The following FZD3 variants were observed in gnomAD, a reference collection of about 807,000 sequenced individuals.
FZD3 encodes the protein frizzled-3.
FZD3 carries 30 observed loss-of-function variants against 60.7 expected under a neutral mutation model. The observed-to-expected ratio is 0.49, with a 90% CI of 0.37 to 0.67. FZD3 has a LOEUF of 0.67. Among genes scored for constraint, FZD3 ranks in the 30% least tolerant of loss-of-function variants. FZD3 has a pLI of 0.00. For missense variants in FZD3, 605 were observed against 838.7 expected (o/e 0.72, Z 3.44); for synonymous variants, 246 against 275.2 (o/e 0.89, Z 1.05).
chr8:28,550,479 A>ATTTTTTTTTTTTTTTTTT (rs1805385873), intron 5 of FZD3, among the ~76,000 whole-genome samples: 1 of 59,144 alleles, frequency 1.7e-5, no homozygotes, highest in Non-Finnish European at 3.2e-5. Flanking sequence ...TTCTTCTTTT[A>ATTTTTTTTTTTTTTTTTT]TCTTTTTTTT....
chr8:28,523,234 G>A (rs1414715079), intron 4 of FZD3, among the ~76,000 whole-genome samples: 1 of 152,130 alleles, frequency 6.6e-6, no homozygotes, highest in Non-Finnish European at 1.5e-5. Flanking sequence ...GGGCGCTGGA[G>A]AGTCTAAGAT....
chr8:28,553,945 G>A (rs1182534806), intron 6 of FZD3, among the ~76,000 whole-genome samples: 1 of 152,180 alleles, frequency 6.6e-6, no homozygotes, highest in Non-Finnish European at 1.5e-5. Context: ...TTACAGATAA[G>A]GAAACTGAGG....
At position 28,527,779 on chromosome 8, in the gene FZD3, G is replaced by A; in HGVS notation, c.1019G>A (p.Gly340Glu). The change falls in exon 5 of 8, where the codon GGA becomes GAA. Residue 340 changes from glycine to glutamate, a missense_variant. Coordinates refer to ENST00000240093, the MANE Select transcript of FZD3 (RefSeq NM_017412.4). The surrounding 1 kb of genome is among the most constrained non-coding windows in gnomAD (Gnocchi z 5.0). ...LFHASAWGIPGTLTIILLAMN... is the reference protein window; with the variant it reads ...LFHASAWGIPETLTIILLAMN... ...CACGCCAGTGCATGGGGCATCCCCGGAACTCTAACCATCATCCTTTTAGCG... is the reference window on the plus strand; with the variant it reads ...CACGCCAGTGCATGGGGCATCCCCGAAACTCTAACCATCATCCTTTTAGCG... 6.2e-7 allele frequency: 1 copy of A among 1,614,182 alleles called. No individual in the cohort carries two copies. Among genetic ancestry groups the A allele is most frequent in the South Asian group, 1.1e-5 (1 of 91,084 alleles).
At chr8:28,510,935 GC>G (rs1447584171) in intron 3 of FZD3, among the ~76,000 whole-genome samples, 1 of 152,026 alleles carries the variant, frequency 6.6e-6, no homozygotes, top group Non-Finnish European at 1.5e-5. Flanking sequence ...TACTCGGGAG[GC>G]TAAGACAGGA....
chr8:28,565,738 A>G lies in FZD3; in HGVS notation c.*2727A>G, dbSNP rs1487875896. On this transcript the variant is annotated 3_prime_UTR_variant, in exon 8 of 8. Transcript: ENST00000240093. ...TAATTTTGTCCCACAAAATTTATGT[A>G]ATATTAATCCATGGTTTTAAACAAC... 1 of 152,166 alleles carries G rather than the reference A, an allele frequency of 6.6e-6. No homozygotes were observed. The highest frequency in any genetic ancestry group is 1.5e-5 in the Non-Finnish European group (1 of 67,986). The allele number at this position is 152,166 out of a possible 1,614,324, so 9.4% of individuals were successfully genotyped here. A position where few individuals can be genotyped will look rare whatever the true frequency, so the allele number is the denominator to read the frequency against.
intron 1 of FZD3, among the ~76,000 whole-genome samples, chr8:28,495,159 T>G (rs1235638078): frequency 6.6e-6 from 1 of 152,208 alleles, no homozygotes; most frequent in African/African-American, 2.4e-5. Flanking sequence ...TTGAGTTCGA[T>G]CCCTCTGTTG....
intron 5 of FZD3, among the ~76,000 whole-genome samples, chr8:28,548,375 G>C (rs545100950): frequency 1.3e-5 from 2 of 151,454 alleles, no homozygotes; most frequent in African/African-American, 2.4e-5. Flanking sequence ...GCAGTGGCGC[G>C]ATGCAGCCTC....
At chr8:28,546,481 A>G (rs147438211) in intron 5 of FZD3, among the ~76,000 whole-genome samples, 45 of 152,236 alleles carry the variant, frequency 3.0e-4, no homozygotes, top group Non-Finnish European at 5.7e-4. Context: ...ATTTGGATGT[A>G]CCATAATTTA....
At chr8:28,542,110 T>TTTA (rs1554538053) in intron 5 of FZD3, among the ~76,000 whole-genome samples, 7 of 132,020 alleles carry the variant, frequency 5.3e-5, no homozygotes, top group South Asian at 2.4e-4. Flanking sequence ...TTTTTTTTTT[T>TTTA]AACTACTCCC....
chr8:28,508,066 C>CT (rs1050360302), intron 3 of FZD3, among the ~76,000 whole-genome samples: 6 of 151,088 alleles, frequency 4.0e-5, no homozygotes, highest in East Asian at 2.0e-4. Flanking sequence ...TTTTAAAGAA[C>CT]TTTTTTTTTG....
chr8:28,530,677 C>T (rs890296069), intron 5 of FZD3, among the ~76,000 whole-genome samples: 6 of 152,106 alleles, frequency 3.9e-5, no homozygotes, highest in African/African-American at 1.4e-4. Flanking sequence ...CTGAAACTTC[C>T]TGTGTACCCT....
intron 5 of FZD3, among the ~76,000 whole-genome samples, chr8:28,531,700 T>C (rs1400709837): frequency 6.6e-6 from 1 of 152,194 alleles, no homozygotes; most frequent in African/African-American, 2.4e-5. Flanking sequence ...TAAGGTTGAA[T>C]GTGTTTTCGT....
At chr8:28,525,416 G>A (rs1233473027) in intron 4 of FZD3, among the ~76,000 whole-genome samples, 1 of 152,194 alleles carries the variant, frequency 6.6e-6, no homozygotes, top group South Asian at 2.1e-4. Context: ...TGATAAGGAG[G>A]CTTTGGACCA....
chr8:28,572,298 A>G lies in FZD3; in HGVS notation c.*9287A>G, dbSNP rs1170832025. 6.6e-6 allele frequency: 1 copy of G among 152,158 alleles called. No individual in the cohort carries two copies. The highest frequency in any genetic ancestry group is 1.5e-5 in the Non-Finnish European group (1 of 68,012). 9.4% of individuals were successfully genotyped at this position (152,158 alleles called of 1,614,324 possible). A position where few individuals can be genotyped will look rare whatever the true frequency, so the allele number is the denominator to read the frequency against. ...TCATAATAGATATATTCAAGAAGGAACCAAACTTTAAAAGATCTTTTAGAA... is the reference window on the plus strand; with the variant it reads ...TCATAATAGATATATTCAAGAAGGAGCCAAACTTTAAAAGATCTTTTAGAA... On this transcript the variant is annotated 3_prime_UTR_variant, in exon 8 of 8. Coordinates refer to ENST00000240093, the MANE Select transcript of FZD3 (RefSeq NM_017412.4).
chr8:28,562,886 T>A lies in FZD3; in HGVS notation c.1876T>A (p.Ser626Thr). ...AACAGATCACTCCAGGCATAGTAGT[T>A]CTCATCGGCTCAATGAACAGTCACG... is the stretch of plus-strand genomic sequence containing the variant. ...RLTDHSRHSS[S>T]HRLNEQSRHS... Residue 626 changes from serine (S) to threonine (T), a missense_variant, in exon 8 of 8, where the codon TCT becomes ACT. Coordinates refer to ENST00000240093, the MANE Select transcript of FZD3 (RefSeq NM_017412.4). 2 of 1,613,326 alleles carry A rather than the reference T, an allele frequency of 1.2e-6. No homozygotes were observed. Among genetic ancestry groups the A allele is most frequent in the Non-Finnish European group, 1.7e-6 (2 of 1,179,350 alleles).
intron 5 of FZD3, among the ~76,000 whole-genome samples, chr8:28,535,288 GTGA>G (rs776598332): frequency 2.0e-5 from 3 of 152,148 alleles, no homozygotes; most frequent in South Asian, 2.1e-4. Context: ...CAGAAAAATT[GTGA>G]TGATAACACA....
At chr8:28,561,148 C>T (rs13274617) in intron 7 of FZD3, among the ~76,000 whole-genome samples, 80,816 of 151,952 alleles carry the variant, frequency 0.53, 22,015 homozygotes, top group South Asian at 0.63. Flanking sequence ...CCTCCGCCTC[C>T]GACATTCAAG....
intron 4 of FZD3, among the ~76,000 whole-genome samples, chr8:28,522,653 C>G (rs370656232): frequency 2.6e-5 from 4 of 151,704 alleles, no homozygotes; most frequent in South Asian, 4.1e-4. Context: ...GCATAGAAAT[C>G]TCATAATCTT....
At chr8:28,529,844 A>C (rs1328645032) in intron 5 of FZD3, among the ~76,000 whole-genome samples, 1 of 152,100 alleles carries the variant, frequency 6.6e-6, no homozygotes, top group Non-Finnish European at 1.5e-5. Flanking sequence ...TAAATAATCC[A>C]GTTTTCCCTC....
Sources: allele counts gnomAD v4.1 joint callset (sites outside exome capture counted in the v4.1 genomes callset), GRCh38; gene constraint gnomAD v4.1.1; non-coding constraint Gnocchi (gnomAD v3.1); transcripts MANE v1.5; gene names NCBI Gene and HGNC (gene_info 2026-07-23, HGNC 2026-07-21).